Variants in SLC17A1 observed in about 807,000 individuals in gnomAD.
The protein encoded by SLC17A1 is solute carrier family 17 member 1, also known as sodium-dependent phosphate transport protein 1.
In SLC17A1, 51 loss-of-function variants were observed where a neutral mutation model predicts 53.5. That is an observed-to-expected ratio of 0.95 (90% CI 0.76 to 1.20). The LOEUF (loss-of-function observed/expected upper bound fraction) is 1.20. Among genes scored for constraint, SLC17A1 ranks in the 50% most tolerant of loss-of-function variants. SLC17A1 has a pLI of 0.00. For synonymous variants in SLC17A1, 179 were observed against 198.8 expected (o/e 0.90, Z 0.84); for missense variants, 538 against 568.2 (o/e 0.95, Z 0.54).
the SLC17A1 span, among the ~76,000 whole-genome samples, chr6:25,752,713 G>A: frequency 1.3e-5 from 2 of 152,242 alleles, no homozygotes; most frequent in Non-Finnish European, 2.9e-5. Context: ...AGCACTTTGC[G>A]AGGCTGAGGT....
At chr6:25,773,315 C>A in the SLC17A1 span, 1 of 1,613,936 alleles carries the variant, frequency 6.2e-7, no homozygotes, top group South Asian at 1.1e-5. Flanking sequence ...GGTTTCCTCT[C>A]ATTTATGATG....
At chr6:25,746,829 A>G in the SLC17A1 span, among the ~76,000 whole-genome samples, 2 of 152,170 alleles carry the variant, frequency 1.3e-5, no homozygotes, top group African/African-American at 2.4e-5. Context: ...TGTGCAACCA[A>G]TGAAAAACAA....
At chr6:25,796,434 G>A (rs527459629) in intron 12 of SLC17A1, among the ~76,000 whole-genome samples, 2 of 151,732 alleles carry the variant, frequency 1.3e-5, no homozygotes, top group African/African-American at 4.8e-5. Flanking sequence ...TCATTTTTGA[G>A]TGACGCTATC....
chr6:25,750,351 T>C, the SLC17A1 span, among the ~76,000 whole-genome samples: 4 of 152,138 alleles, frequency 2.6e-5, no homozygotes, highest in Non-Finnish European at 4.4e-5. Context: ...TCACAAAGTA[T>C]AATAAAACAA....
At chr6:25,743,395 A>T in the SLC17A1 span, among the ~76,000 whole-genome samples, 1 of 152,218 alleles carries the variant, frequency 6.6e-6, no homozygotes, top group Non-Finnish European at 1.5e-5. Flanking sequence ...TACATTCTTT[A>T]TGAGATGCCT....
chr6:25,801,551 G>A (rs1763761344), intron 10 of SLC17A1, among the ~76,000 whole-genome samples: 1 of 152,188 alleles, frequency 6.6e-6, no homozygotes, highest in African/African-American at 2.4e-5. Flanking sequence ...GAAGAGCAAG[G>A]TGGTGCTGTT....
rs142292802 is a variant in SLC17A1, at chr6:25,804,094, T to A, written c.1179-3114A>T. Among the ~76,000 whole-genome samples the A allele has an allele frequency of 4.2e-4, 64 of 152,314 alleles. 1 individual carries two copies. The East Asian group carries it at 0.012, about 28-fold the overall frequency. On this transcript the variant is annotated intron_variant, in intron 10 of 12. Transcript: ENST00000244527. ...TGATTAATATCATTAATGATTAACA[T>A]ATCATTAATTAATGATTATATCTGA...
chr6:25,728,299 T>C, the SLC17A1 span, among the ~76,000 whole-genome samples: 1 of 152,192 alleles, frequency 6.6e-6, no homozygotes, highest in Non-Finnish European at 1.5e-5. Context: ...TTAATTTTCT[T>C]AAATTTATAA....
chr6:25,819,177 A>G, intron 5 of SLC17A1, 23 bp from the exon 6 acceptor site: 1 of 1,504,352 alleles, frequency 6.6e-7, no homozygotes, highest in Non-Finnish European at 9.1e-7. Context: ...TACAAAGAAC[A>G]CCCCTAATTA....
At chr6:25,794,742 G>A (rs888295740) in intron 12 of SLC17A1, among the ~76,000 whole-genome samples, 1 of 152,170 alleles carries the variant, frequency 6.6e-6, no homozygotes, top group African/African-American at 2.4e-5. Context: ...CCAGGGCTGC[G>A]AAGCAACTTC....
the SLC17A1 span, chr6:25,776,669 T>C: frequency 6.2e-7 from 1 of 1,613,992 alleles, no homozygotes; most frequent in Non-Finnish European, 8.5e-7. Context: ...TGGCAGACTT[T>C]CTTCTCTCCA....
At chr6:25,734,854 A>G in the SLC17A1 span, among the ~76,000 whole-genome samples, 1 of 152,240 alleles carries the variant, frequency 6.6e-6, no homozygotes, top group Non-Finnish European at 1.5e-5. Flanking sequence ...TGATGATTAG[A>G]CAAATCTTTA....
At chr6:25,762,074 C>T in the SLC17A1 span, 1 of 1,600,318 alleles carries the variant, frequency 6.2e-7, no homozygotes, top group East Asian at 2.2e-5. Flanking sequence ...GCACAGTAAT[C>T]TGGTAGTAAA....
intron 12 of SLC17A1, among the ~76,000 whole-genome samples, chr6:25,793,059 G>C (rs1197156985): frequency 6.6e-6 from 1 of 152,178 alleles, no homozygotes; most frequent in Non-Finnish European, 1.5e-5. Flanking sequence ...CCAAGCTTTT[G>C]CCATGACCTG....
At chr6:25,827,036 C>T (rs927725397) in intron 2 of SLC17A1, among the ~76,000 whole-genome samples, 2 of 152,036 alleles carry the variant, frequency 1.3e-5, no homozygotes, top group Admixed American at 6.6e-5. Context: ...TATATATGCC[C>T]AATGCAGAGA....
intron 10 of SLC17A1, among the ~76,000 whole-genome samples, chr6:25,805,097 C>G (rs1230257001): frequency 1.3e-5 from 2 of 152,086 alleles, no homozygotes; most frequent in East Asian, 3.8e-4. Context: ...CTTATCAGCA[C>G]ATGAAACATT....
chr6:25,778,089 C>A, downstream of SLC17A1: 2 of 1,090,062 alleles, frequency 1.8e-6, no homozygotes, highest in South Asian at 1.4e-5. Context: ...ATATGCACGG[C>A]CTTGTATCCT....
chr6:25,742,640 T>G, the SLC17A1 span, among the ~76,000 whole-genome samples: 1 of 151,410 alleles, frequency 6.6e-6, no homozygotes, highest in African/African-American at 2.4e-5. Context: ...TGGTATAATA[T>G]GTATGGTGGG....
At chr6:25,728,175 T>C in the SLC17A1 span, among the ~76,000 whole-genome samples, 1 of 152,202 alleles carries the variant, frequency 6.6e-6, no homozygotes, top group Non-Finnish European at 1.5e-5. Flanking sequence ...AGGGAATAGT[T>C]TAGAGGAAGT....
Sources: gnomAD v4.1 joint callset for allele counts (sites outside exome capture counted in the v4.1 genomes callset) on GRCh38, gnomAD v4.1.1 for gene constraint, MANE v1.5 for transcripts, NCBI Gene and HGNC (gene_info 2026-07-23, HGNC 2026-07-21) for gene names.